The following MARCO variants were observed in gnomAD, a reference collection of about 807,000 sequenced individuals.
MARCO encodes the protein macrophage receptor with collagenous structure.
A neutral mutation model predicts 70.0 loss-of-function variants in MARCO; 72 were observed. The observed-to-expected ratio is 1.03, with a 90% CI of 0.85 to 1.25. The LOEUF (loss-of-function observed/expected upper bound fraction) is 1.25. Among genes scored for constraint, MARCO ranks in the 50% most tolerant of loss-of-function variants. The probability of loss-of-function intolerance (pLI) is 0.00; values close to 1 mark genes in which losing one functional copy is unlikely to be tolerated. For synonymous variants in MARCO, 273 were observed against 243.1 expected, an observed-to-expected ratio of 1.12 and a Z score of -1.14; for missense variants, 696 against 659.3, an observed-to-expected ratio of 1.06 and a Z score of -0.61.
intron 7 of MARCO, 101 bp from the exon 8 acceptor site, chr2:118,977,727 C>A: frequency 1.1e-6 from 1 of 935,232 alleles, no homozygotes; most frequent in Non-Finnish European, 1.6e-6. Context: ...ATCTGGGGAT[C>A]CCATTCCCTT....
Position 118,964,151 on chromosome 2 carries a change from T to C in MARCO, c.98-5009T>C, listed in dbSNP as rs146990436. On this transcript the variant is annotated intron_variant, in intron 1 of 16. Coordinates refer to ENST00000327097, the MANE Select transcript of MARCO (RefSeq NM_006770.4). The stretch of plus-strand genomic sequence containing the variant: ...AGTGTAGAAATCTTACTTTCATTTA[T>C]GTTCTTTAGCCTTCTCCACTTTTTA... Among the ~76,000 whole-genome samples, 399 of 152,346 alleles carry C rather than the reference T, an allele frequency of 2.6e-3. 2 individuals carry two copies. Among genetic ancestry groups the C allele is most frequent in the Non-Finnish European group, 4.1e-3 (282 of 68,010 alleles).
At chr2:118,993,410 T>C in intron 16 of MARCO, 110 bp downstream of exon 16, 1 of 1,144,238 alleles carries the variant, frequency 8.7e-7, no homozygotes, top group Non-Finnish European at 1.3e-6. Context: ...AAAAGAAAAA[T>C]ATTGGTCCAA....
At chr2:118,967,986 G>A (rs977631097) in intron 1 of MARCO, among the ~76,000 whole-genome samples, 1 of 152,170 alleles carries the variant, frequency 6.6e-6, no homozygotes, top group Non-Finnish European at 1.5e-5. Context: ...CCAACCTGGG[G>A]TCATATGCCT....
chr2:118,942,377 T>G lies in MARCO; in HGVS notation c.77T>G (p.Met26Arg). The G allele has an allele frequency of 6.2e-7, 1 of 1,613,396 alleles. No homozygotes were observed. Among genetic ancestry groups the G allele is most frequent in the East Asian group, 2.2e-5 (1 of 44,822 alleles). The change falls in exon 1 of 17, where the codon ATG becomes AGG. Residue 26 changes from methionine to arginine, a missense_variant. This residue lies in a region of MARCO where 605 missense variants were observed against 537.6 expected (regional missense o/e 1.13). Transcript: ENST00000327097. ...TQQAAFHQIA[M>R]EPFEINVPKP... The stretch of plus-strand genomic sequence containing the variant: ...CAAGCTGCTTTTCACCAAATTGCAA[T>G]GGAGCCTTTCGAAATCAATGGTAAA...
At chr2:118,977,540 G>T (rs1450399933) in intron 7 of MARCO, 25 bp downstream of exon 7, 11 of 1,607,636 alleles carry the variant, frequency 6.8e-6, no homozygotes, top group Admixed American at 6.7e-5. Flanking sequence ...CTCTGCTAGG[G>T]ACAAATGATG....
intron 1 of MARCO, among the ~76,000 whole-genome samples, chr2:118,945,187 A>G (rs1392071505): frequency 2.0e-5 from 3 of 152,066 alleles, no homozygotes; most frequent in Non-Finnish European, 4.4e-5. Context: ...TCAACAATGG[A>G]ACATTTGGGC....
At chr2:118,994,246 C>T (rs1255412698) in intron 16 of MARCO, 141 bp from the exon 17 acceptor site, 3 of 842,582 alleles carry the variant, frequency 3.6e-6, no homozygotes, top group Non-Finnish European at 5.8e-6. Flanking sequence ...CAGCCATCAG[C>T]ACATTGGGCC....
chr2:118,970,610 C>A (rs1558836955), intron 3 of MARCO, among the ~76,000 whole-genome samples: 1 of 152,138 alleles, frequency 6.6e-6, no homozygotes, highest in Admixed American at 6.5e-5. Context: ...GGGGAGAGAG[C>A]AACTGAAGGC....
At chr2:118,955,006 G>T (rs745751733) in intron 1 of MARCO, among the ~76,000 whole-genome samples, 2 of 151,066 alleles carry the variant, frequency 1.3e-5, no homozygotes, top group Non-Finnish European at 2.9e-5. Flanking sequence ...ACGAAACAAG[G>T]CTCATCAACA....
intron 12 of MARCO, among the ~76,000 whole-genome samples, chr2:118,988,447 A>G (rs991286439): frequency 6.6e-6 from 1 of 152,000 alleles, no homozygotes; most frequent in Non-Finnish European, 1.5e-5. Context: ...GAGAAAGACC[A>G]CAATCTATAT....
At chr2:118,956,100 A>G (rs745849552) in intron 1 of MARCO, among the ~76,000 whole-genome samples, 3 of 152,216 alleles carry the variant, frequency 2.0e-5, no homozygotes, top group Non-Finnish European at 2.9e-5. Flanking sequence ...AACAAAGTAC[A>G]GGCAACAAAA....
At chr2:118,971,607 C>A in intron 4 of MARCO, 73 bp downstream of exon 4, 1 of 1,515,434 alleles carries the variant, frequency 6.6e-7, no homozygotes, top group Non-Finnish European at 9.1e-7. Flanking sequence ...TTGGCCTGTG[C>A]CATTCTGGGT....
intron 4 of MARCO, 76 bp downstream of exon 4, chr2:118,971,610 T>A: frequency 6.6e-7 from 1 of 1,508,018 alleles, no homozygotes; most frequent in Non-Finnish European, 9.2e-7. Context: ...GCCTGTGCCA[T>A]TCTGGGTCTG....
At chr2:118,950,877 G>A (rs1238375300) in intron 1 of MARCO, among the ~76,000 whole-genome samples, 1 of 151,780 alleles carries the variant, frequency 6.6e-6, no homozygotes, top group Non-Finnish European at 1.5e-5. Flanking sequence ...GACTGTTAAA[G>A]GCCACAAGAT....
intron 1 of MARCO, among the ~76,000 whole-genome samples, chr2:118,956,590 C>A: frequency 6.6e-6 from 1 of 152,142 alleles, no homozygotes; most frequent in Non-Finnish European, 1.5e-5. Flanking sequence ...GTCATCAAGA[C>A]AGAAAGTCAA....
chr2:118,968,727 G>A (rs1167594235), intron 1 of MARCO, among the ~76,000 whole-genome samples: 1 of 152,188 alleles, frequency 6.6e-6, no homozygotes, highest in Non-Finnish European at 1.5e-5. Context: ...AACCTAATAA[G>A]TTATTTAATT....
At chr2:118,961,665 G>A (rs546209058) in intron 1 of MARCO, among the ~76,000 whole-genome samples, 2 of 152,206 alleles carry the variant, frequency 1.3e-5, no homozygotes, top group South Asian at 2.1e-4. Flanking sequence ...TCACTCTGTA[G>A]GTTGCCTGTT....
intron 1 of MARCO, among the ~76,000 whole-genome samples, chr2:118,966,750 A>G (rs1191391746): frequency 6.6e-6 from 1 of 152,224 alleles, no homozygotes; most frequent in African/African-American, 2.4e-5. Context: ...TCTCTGAAGC[A>G]CAATTTACCT....
chr2:118,945,594 G>A lies in MARCO; in HGVS notation c.97+3197G>A, dbSNP rs373458461. Among the ~76,000 whole-genome samples the A allele has an allele frequency of 4.1e-4, 63 of 151,904 alleles. 1 individual carries two copies. In the East Asian group the frequency reaches 8.9e-3, roughly 21 times the overall value. On this transcript the variant is annotated intron_variant, in intron 1 of 16. Coordinates refer to ENST00000327097, the MANE Select transcript of MARCO (RefSeq NM_006770.4). Reference sequence around the variant, plus strand: ...TGCCCGGCTAACTTTTATATTTTTAGTAGAGACGGGGTTTCACCATGTTGG... The same window carrying A: ...TGCCCGGCTAACTTTTATATTTTTAATAGAGACGGGGTTTCACCATGTTGG...
Sources: allele counts gnomAD v4.1 joint callset (sites outside exome capture counted in the v4.1 genomes callset), GRCh38; gene constraint gnomAD v4.1.1; regional missense constraint gnomAD v4.1.1; transcripts MANE v1.5; gene names NCBI Gene and HGNC (gene_info 2026-07-23, HGNC 2026-07-21).